Variants in TDRD6 observed in about 807,000 individuals in gnomAD.
TDRD6 encodes the protein tudor domain containing 6, also known as tudor domain-containing protein 6.
Under a neutral mutation model 157.5 loss-of-function variants are expected in TDRD6, and 186 were observed. That is an observed-to-expected ratio of 1.18 (90% CI 1.05 to 1.33). The LOEUF (loss-of-function observed/expected upper bound fraction) is 1.33. Among genes scored for constraint, TDRD6 ranks in the 40% most tolerant of loss-of-function variants. The probability of loss-of-function intolerance (pLI) is 0.00; values close to 1 mark genes in which losing one functional copy is unlikely to be tolerated. For synonymous variants in TDRD6, 1,075 were observed against 945.2 expected, an observed-to-expected ratio of 1.14 and a Z score of -2.52; for missense variants, 3,066 against 2,508.0, an observed-to-expected ratio of 1.22 and a Z score of -4.75.
rs1290427465 is a variant in TDRD6, at chr6:46,689,328, A to G, written c.1200A>G (p.Ile400Met). The G allele has an allele frequency of 1.2e-6, 2 of 1,614,046 alleles. No individual in the cohort carries two copies. Among genetic ancestry groups the G allele is most frequent in the Non-Finnish European group, 8.5e-7 (1 of 1,180,040 alleles). The change falls in exon 1 of 4, where the codon ATA (isoleucine) becomes ATG (methionine). Residue 400 changes from isoleucine to methionine, a missense_variant. Transcript: ENST00000316081. ...RSQVGDLKTL[I>M]LGKAVNAKIE... ...AGGTCGGTGACCTGAAGACACTGAT[A>G]CTAGGCAAGGCAGTGAATGCAAAGA...
Position 46,689,621 on chromosome 6 carries a change from A to G in TDRD6, c.1493A>G (p.Asn498Ser). ...GATGCGCAGGTAGAGTTTGTTAAAA[A>G]TCCTTCTGAGTTTTGGATTAGGTTG... The part of the protein sequence containing the change: ...FYDAQVEFVK[N>S]PSEFWIRLRK... The change falls in exon 1 of 4, where the codon AAT becomes AGT. Residue 498 changes from asparagine to serine, a missense_variant. Coordinates refer to ENST00000316081, the MANE Select transcript of TDRD6 (RefSeq NM_001010870.3). 1 of 1,614,200 alleles carries G rather than the reference A, an allele frequency of 6.2e-7. No homozygotes were observed. Among genetic ancestry groups the G allele is most frequent in the Non-Finnish European group, 8.5e-7 (1 of 1,180,044 alleles).
At chr6:46,685,983 A>C (rs981346358), upstream of TDRD6, among the ~76,000 whole-genome samples, 1 of 152,170 alleles carries the variant, frequency 6.6e-6, no homozygotes, top group Non-Finnish European at 1.5e-5. Flanking sequence ...GAACAAACTA[A>C]TGCTACCTGC....
At chr6:46,696,599 ATATTTTTTTTTT>A (rs1174835916) in intron 2 of TDRD6, among the ~76,000 whole-genome samples, 2 of 26,768 alleles carry the variant, frequency 7.5e-5, no homozygotes, top group East Asian at 2.3e-3. Context: ...ATATATATAT[ATATTTTTTTTTT>A]TTTTTTTTTT....
chr6:46,692,594 C>A lies in TDRD6; in HGVS notation c.4466C>A (p.Thr1489Asn). The A allele has an allele frequency of 2.5e-6, 4 of 1,613,572 alleles. No individual in the cohort carries two copies. The highest frequency in any genetic ancestry group is 3.4e-6 in the Non-Finnish European group (4 of 1,179,816). The part of the protein sequence containing the change: ...LSEKSQVELS[T>N]QVIKSASSKS... The stretch of plus-strand genomic sequence containing the variant: ...GAAAAATCTCAAGTAGAACTTTCTA[C>A]CCAAGTAATTAAAAGTGCCAGTTCA... The change falls in exon 1 of 4, where the codon ACC becomes AAC. Residue 1489 changes from threonine (T) to asparagine (N), a missense_variant. Thr to Asn is a moderately conservative substitution (Grantham distance 65). Coordinates refer to ENST00000316081, the MANE Select transcript of TDRD6 (RefSeq NM_001010870.3).
upstream of TDRD6, among the ~76,000 whole-genome samples, chr6:46,685,912 C>T (rs1266949768): frequency 6.6e-6 from 1 of 152,082 alleles, no homozygotes; most frequent in African/African-American, 2.4e-5. Context: ...TTAATCTTAA[C>T]AGTGCAATGA....
At chr6:46,686,700 T>G (rs1466315942), upstream of TDRD6, among the ~76,000 whole-genome samples, 1 of 152,218 alleles carries the variant, frequency 6.6e-6, no homozygotes, top group Non-Finnish European at 1.5e-5. Flanking sequence ...ATTCATTCAT[T>G]CATTCATTCA....
In TDRD6 at chr6:46,689,163, T is replaced by C. The variant is rs772941007; in HGVS notation, c.1035T>C (p.His345=). 3 of 1,614,172 alleles carry C rather than the reference T, an allele frequency of 1.9e-6. No homozygotes were observed. Among genetic ancestry groups the C allele is most frequent in the South Asian group, 1.1e-5 (1 of 91,086 alleles). ...FRPQRCAQVL[H]VDYGRKELVS... ...CCCAGCGCTGTGCCCAGGTGCTTCA[T>C]GTGGACTATGGAAGGAAGGAGTTAG... is the stretch of plus-strand genomic sequence containing the variant. The change falls in exon 1 of 4, where the codon CAT becomes CAC. Residue 345 remains histidine, a synonymous_variant. Transcript: ENST00000316081.
intron 1 of TDRD6, 26 bp downstream of exon 1, chr6:46,694,200 C>A: frequency 3.9e-5 from 40 of 1,038,674 alleles, no homozygotes; most frequent in Non-Finnish European, 4.9e-5. Flanking sequence ...TTCCTTTTTA[C>A]TTTTTTTTTT....
Position 46,693,619 on chromosome 6 carries a change from G to C in TDRD6, c.5491G>C (p.Glu1831Gln). Residue 1831 changes from glutamate (E) to glutamine (Q), a missense_variant, in exon 1 of 4, where the codon GAA becomes CAA. Physicochemically the swap from Glu to Gln is conservative, Grantham distance 29 (BLOSUM62 2). Coordinates refer to ENST00000316081, the MANE Select transcript of TDRD6 (RefSeq NM_001010870.3). ...PHANETKEIL[E>Q]LNSLEVPLSP... ...TGCTAATGAAACAAAGGAGATACTA[G>C]AACTGAATTCACTTGAGGTGCCGCT... is the stretch of plus-strand genomic sequence containing the variant. 1.9e-6 allele frequency: 3 copies of C among 1,614,144 alleles called. No homozygotes were observed. The highest frequency in any genetic ancestry group is 2.5e-6 in the Non-Finnish European group (3 of 1,180,034).
the TDRD6 span, chr6:46,681,662 T>C: frequency 2.3e-6 from 1 of 441,196 alleles, no homozygotes; most frequent in South Asian, 1.6e-5. Flanking sequence ...ACTGTGTTAT[T>C]CTGATTTTAA....
rs770719260 is a variant in TDRD6, at chr6:46,693,518, T to A, written c.5390T>A (p.Leu1797Ter). The change falls in exon 1 of 4, where the codon TTA (leucine) becomes TAA (stop). Residue 1797 changes from leucine to a stop codon, truncating the protein, a stop_gained. Coordinates refer to ENST00000316081, the MANE Select transcript of TDRD6 (RefSeq NM_001010870.3). LOFTEE classifies it high-confidence loss of function. ...KIDTEELEGE[L>*]ECHLVDKAEF... Reference sequence around the variant, plus strand: ...GATACTGAGGAACTGGAAGGTGAATTAGAGTGCCATCTGGTTGACAAAGCA... The same window carrying A: ...GATACTGAGGAACTGGAAGGTGAATAAGAGTGCCATCTGGTTGACAAAGCA... The A allele has an allele frequency of 1.2e-6, 2 of 1,613,842 alleles. No homozygotes were observed. The highest frequency in any genetic ancestry group is 1.7e-6 in the Non-Finnish European group (2 of 1,179,862).
upstream of TDRD6, among the ~76,000 whole-genome samples, chr6:46,684,748 A>G (rs1433256167): frequency 6.6e-6 from 1 of 152,028 alleles, no homozygotes; most frequent in Non-Finnish European, 1.5e-5. Context: ...TTGTTTAACC[A>G]TTTACCCATC....
At chr6:46,682,026 CTTT>C in the TDRD6 span, among the ~76,000 whole-genome samples, 2 of 152,062 alleles carry the variant, frequency 1.3e-5, no homozygotes, top group Non-Finnish European at 2.9e-5. Flanking sequence ...GAGCTCTACA[CTTT>C]AAAATGGTTT....
rs1199839897 is a variant in TDRD6 at position 46,688,558 on chromosome 6, G to C, written c.430G>C (p.Gly144Arg). 1 of 1,585,122 alleles carries C rather than the reference G, an allele frequency of 6.3e-7. No individual in the cohort carries two copies. The highest frequency in any genetic ancestry group is 1.7e-5 in the Admixed American group (1 of 57,654). Residue 144 changes from glycine (G) to arginine (R), a missense_variant, in exon 1 of 4, where the codon GGC (glycine) becomes CGC (arginine). Physicochemically the swap from Gly to Arg is moderately radical, Grantham distance 125. Transcript: ENST00000316081. The stretch of plus-strand genomic sequence containing the variant: ...GCCGGCAGGCTGCGGCGCGGGCTCA[G>C]GCGAGCCGCCGCAGCACTGGCCCGC... Reference protein sequence around the residue: ...LVPAGCGAGSGEPPQHWPADA... With the variant: ...LVPAGCGAGSREPPQHWPADA...
At chr6:46,683,764 T>C (rs1357379706), upstream of TDRD6, among the ~76,000 whole-genome samples, 1 of 152,108 alleles carries the variant, frequency 6.6e-6, no homozygotes, top group African/African-American at 2.4e-5. Flanking sequence ...TTACCCATAT[T>C]GGCTCATTTC....
chr6:46,696,555 G>GTATATGTATA (rs1764505503), intron 2 of TDRD6, among the ~76,000 whole-genome samples: 3 of 52,776 alleles, frequency 5.7e-5, no homozygotes, highest in Admixed American at 2.6e-4. Context: ...GTATATATGT[G>GTATATGTATA]TGTGTGTGTG....
rs774000396 is a variant in TDRD6, at chr6:46,689,695, T to C, written c.1567T>C (p.Phe523Leu). The C allele has an allele frequency of 7.4e-6, 12 of 1,614,216 alleles. No homozygotes were observed. In the South Asian group the frequency reaches 9.9e-5, roughly 13 times the overall value. The change falls in exon 1 of 4, where the codon TTC (phenylalanine) becomes CTC (leucine). Residue 523 changes from phenylalanine to leucine, a missense_variant. Coordinates refer to ENST00000316081, the MANE Select transcript of TDRD6 (RefSeq NM_001010870.3). ...TAAGCTGATGAGGAGAATGTGTGGT[T>C]TCTATTCCTCTGCCAGTAAGCTGGA... ...FSKLMRRMCG[F>L]YSSASKLDGV... is the part of the protein sequence containing the mutation.
In TDRD6 at chr6:46,690,856, A is replaced by G. The variant is rs755253297; in HGVS notation, c.2728A>G (p.Ile910Val). The change falls in exon 1 of 4, where the codon ATA becomes GTA. Residue 910 changes from isoleucine to valine, a missense_variant. By Grantham distance (29) the Ile-to-Val change is conservative (BLOSUM62 3). Coordinates refer to ENST00000316081, the MANE Select transcript of TDRD6 (RefSeq NM_001010870.3). ...VKAIQAFNEF[I>V]DNAWQKNLEL... Reference sequence around the variant, plus strand: ...GGCAATACAAGCTTTCAATGAATTTATAGATAATGCATGGCAAAAAAATCT... The same window carrying G: ...GGCAATACAAGCTTTCAATGAATTTGTAGATAATGCATGGCAAAAAAATCT... 21 of 1,613,750 alleles carry G rather than the reference A, an allele frequency of 1.3e-5. No individual in the cohort carries two copies. The highest frequency in any genetic ancestry group is 5.0e-5 in the Admixed American group (3 of 59,920).
In TDRD6 at chr6:46,688,000, T is replaced by G; in HGVS notation, c.-129T>G. ...TTGCCGAGAAAAGGCCTCGCCGGCA[T>G]TCTTCCCCTCCACTGGGTCCTTTGA... On this transcript the variant is annotated 5_prime_UTR_variant, in exon 1 of 4. Coordinates refer to ENST00000316081, the MANE Select transcript of TDRD6 (RefSeq NM_001010870.3). 1.5e-6 allele frequency: 2 copies of G among 1,337,676 alleles called. No homozygotes were observed. Among genetic ancestry groups the G allele is most frequent in the Admixed American group, 3.7e-5 (1 of 27,252 alleles). 82.9% of individuals were successfully genotyped at this position (1,337,676 alleles called of 1,614,324 possible).
Sources: allele counts gnomAD v4.1 joint callset (sites outside exome capture counted in the v4.1 genomes callset), GRCh38; gene constraint gnomAD v4.1.1; transcripts MANE v1.5; gene names NCBI Gene and HGNC (gene_info 2026-07-23, HGNC 2026-07-21).